Variants in SORCS3 observed in about 807,000 individuals in gnomAD.
SORCS3 encodes VPS10 domain-containing receptor SorCS3.
A neutral mutation model predicts 146.3 loss-of-function variants in SORCS3; 57 were observed. The observed-to-expected ratio is 0.39, with a 90% confidence interval of 0.31 to 0.49. The LOEUF is 0.49. Among genes scored for constraint, SORCS3 ranks in the 20% least tolerant of loss-of-function variants. The pLI, the probability that SORCS3 is intolerant of heterozygous loss-of-function variation, is 0.92. For missense variants in SORCS3, 1,341 were observed against 1,575.5 expected (o/e 0.85, Z 2.52); for synonymous variants, 653 against 618.5 (o/e 1.06, Z -0.83).
intron 25 of SORCS3, among the ~76,000 whole-genome samples, chr10:105,259,060 C>G (rs1469547573): frequency 6.6e-6 from 1 of 152,172 alleles, no homozygotes; most frequent in East Asian, 1.9e-4. Flanking sequence ...TGGCTCACAA[C>G]AAGTACGTAG....
chr10:104,984,938 A>G (rs1242578742), intron 4 of SORCS3, among the ~76,000 whole-genome samples: 1 of 152,184 alleles, frequency 6.6e-6, no homozygotes, highest in African/African-American at 2.4e-5. Flanking sequence ...TAAGCAAATT[A>G]TAATCTTTTT....
intron 2 of SORCS3, among the ~76,000 whole-genome samples, chr10:104,871,343 C>T (rs1200998029): frequency 6.6e-6 from 1 of 152,108 alleles, no homozygotes; most frequent in African/African-American, 2.4e-5. Context: ...AGTGGAAAGT[C>T]CGCTCCTAAA....
At chr10:105,047,978 A>T (rs1271643980) in intron 5 of SORCS3, among the ~76,000 whole-genome samples, 6 of 152,138 alleles carry the variant, frequency 3.9e-5, no homozygotes, top group Non-Finnish European at 8.8e-5. Context: ...TCAAAACCAC[A>T]ATGAGATACC....
intron 3 of SORCS3, among the ~76,000 whole-genome samples, chr10:104,976,389 A>G (rs2054897577): frequency 1.3e-5 from 2 of 152,220 alleles, no homozygotes; most frequent in Non-Finnish European, 2.9e-5. Flanking sequence ...TAGAATGGCA[A>G]TCATTAAAAA....
At chr10:105,228,927 T>A (rs1200957262) in intron 20 of SORCS3, among the ~76,000 whole-genome samples, 1 of 152,254 alleles carries the variant, frequency 6.6e-6, no homozygotes, top group East Asian at 1.9e-4. Flanking sequence ...GCAATTATTT[T>A]GTTAAATTGA....
intron 1 of SORCS3, among the ~76,000 whole-genome samples, chr10:104,682,210 T>G (rs1247653873): frequency 6.6e-6 from 1 of 152,250 alleles, no homozygotes; most frequent in Non-Finnish European, 1.5e-5. Flanking sequence ...AGAAAGCAGT[T>G]TGTTTACTTG....
chr10:104,671,945 T>C (rs1201795859), intron 1 of SORCS3, among the ~76,000 whole-genome samples: 2 of 152,180 alleles, frequency 1.3e-5, no homozygotes, highest in African/African-American at 4.8e-5. Flanking sequence ...TTTCTTATAG[T>C]GTCTTTGACT....
At chr10:105,202,068 A>T (rs188377341) in intron 16 of SORCS3, among the ~76,000 whole-genome samples, 9 of 152,126 alleles carry the variant, frequency 5.9e-5, no homozygotes, top group Non-Finnish European at 1.2e-4. Flanking sequence ...ACTTCTTTCC[A>T]TCTCTCAGCT....
chr10:104,847,105 A>G (rs1589521967), intron 2 of SORCS3, among the ~76,000 whole-genome samples: 1 of 152,162 alleles, frequency 6.6e-6, no homozygotes, highest in African/African-American at 2.4e-5. Context: ...AGAACTGCAT[A>G]TGGTGCATGC....
intron 14 of SORCS3, among the ~76,000 whole-genome samples, chr10:105,179,677 G>C (rs1034413205): frequency 8.5e-5 from 13 of 152,254 alleles, no homozygotes; most frequent in African/African-American, 2.9e-4. Flanking sequence ...CAGATAGCTG[G>C]ACAAGCCCTG....
At chr10:104,767,368 AGGAGCCTT>A (rs1221557224) in intron 1 of SORCS3, among the ~76,000 whole-genome samples, 1 of 152,154 alleles carries the variant, frequency 6.6e-6, no homozygotes, top group Non-Finnish European at 1.5e-5. Context: ...AAAAGCCCCG[AGGAGCCTT>A]GGGACTGCTA....
At chr10:105,186,482 G>C (rs1325645375) in intron 14 of SORCS3, among the ~76,000 whole-genome samples, 2 of 151,654 alleles carry the variant, frequency 1.3e-5, no homozygotes, top group Non-Finnish European at 2.9e-5. Context: ...TTTATTTTTT[G>C]GTTCAGGAAT....
intron 11 of SORCS3, among the ~76,000 whole-genome samples, chr10:105,163,878 G>A (rs977508579): frequency 8.9e-5 from 10 of 112,484 alleles, no homozygotes; most frequent in East Asian, 2.1e-4. Flanking sequence ...ACACAGTTAC[G>A]CACATACACA....
At chr10:105,176,419 G>C (rs1256188941) in intron 13 of SORCS3, among the ~76,000 whole-genome samples, 1 of 151,960 alleles carries the variant, frequency 6.6e-6, no homozygotes, top group Non-Finnish European at 1.5e-5. Flanking sequence ...CAGGTCCAGT[G>C]GTACACACCT....
At chr10:104,780,117 A>T (rs17772266) in intron 1 of SORCS3, among the ~76,000 whole-genome samples, 6 of 142,634 alleles carry the variant, frequency 4.2e-5, no homozygotes, top group African/African-American at 1.6e-4. Context: ...GATTGGGAAG[A>T]ATTGCCCTGA....
intron 18 of SORCS3, 104 bp downstream of exon 18, chr10:105,214,717 A>T (rs891851156): frequency 3.6e-6 from 4 of 1,121,330 alleles, no homozygotes; most frequent in African/African-American, 1.6e-5. Flanking sequence ...ACCAAAGTCA[A>T]TGGTGAGAAG....
chr10:104,829,868 GC>G (rs2017981348), intron 1 of SORCS3, among the ~76,000 whole-genome samples: 1 of 152,034 alleles, frequency 6.6e-6, no homozygotes, highest in South Asian at 2.1e-4. Context: ...GTCAGCCAGG[GC>G]CTCTAACTCG....
chr10:104,854,738 A>G (rs2018311340), intron 2 of SORCS3, among the ~76,000 whole-genome samples: 1 of 152,090 alleles, frequency 6.6e-6, no homozygotes, highest in Non-Finnish European at 1.5e-5. Context: ...TAATCGCTAA[A>G]CCCTGGCAAC....
intron 3 of SORCS3, among the ~76,000 whole-genome samples, chr10:104,920,852 T>A (rs991346227): frequency 6.6e-6 from 1 of 152,184 alleles, no homozygotes; most frequent in African/African-American, 2.4e-5. Flanking sequence ...CATGGTGGCA[T>A]CAGCATTATT....
Sources: allele counts gnomAD v4.1 joint callset (sites outside exome capture counted in the v4.1 genomes callset), GRCh38; gene constraint gnomAD v4.1.1; transcripts MANE v1.5; gene names NCBI Gene and HGNC (gene_info 2026-07-23, HGNC 2026-07-21).